Variants in AGBL4 observed in about 807,000 individuals in gnomAD.
The protein encoded by AGBL4 is AGBL carboxypeptidase 4, also known as cytosolic carboxypeptidase 6.
A neutral mutation model predicts 66.4 loss-of-function variants in AGBL4; 58 were observed. That is an observed-to-expected ratio of 0.87 (90% CI 0.71 to 1.09). AGBL4 has a LOEUF of 1.09. Ranked by LOEUF, AGBL4 falls within the 50% of genes least tolerant of loss-of-function variation. The probability of loss-of-function intolerance (pLI) is 0.00; values close to 1 mark genes in which losing one functional copy is unlikely to be tolerated. For synonymous variants in AGBL4, 234 were observed against 222.9 expected (o/e 1.05, Z -0.44); for missense variants, 579 against 631.0 (o/e 0.92, Z 0.88).
intron 1 of AGBL4, among the ~76,000 whole-genome samples, chr1:50,008,946 A>G (rs1231754127): frequency 1.3e-5 from 2 of 152,194 alleles, no homozygotes; most frequent in African/African-American, 2.4e-5. Flanking sequence ...CCAAGATTGA[A>G]CCATAAAAAA....
intron 1 of AGBL4, among the ~76,000 whole-genome samples, chr1:50,005,971 TA>T (rs943380159): frequency 1.3e-5 from 2 of 151,616 alleles, no homozygotes; most frequent in African/African-American, 4.8e-5. Flanking sequence ...GGAGACAAAA[TA>T]AAAAAGAATT....
intron 3 of AGBL4, among the ~76,000 whole-genome samples, chr1:49,398,333 T>TTCTCTCTC (rs36025670): frequency 4.0e-4 from 57 of 143,708 alleles, no homozygotes; most frequent in African/African-American, 1.4e-3. Flanking sequence ...CTCTCTCTCT[T>TTCTCTCTC]TCTCTCTCTC....
At chr1:48,803,021 A>G (rs1032209074) in intron 6 of AGBL4, among the ~76,000 whole-genome samples, 1 of 152,202 alleles carries the variant, frequency 6.6e-6, no homozygotes, top group Non-Finnish European at 1.5e-5. Flanking sequence ...TAGGTCCTTG[A>G]GTATCTGAGA....
At chr1:49,905,910 AC>A (rs1471595020) in intron 1 of AGBL4, among the ~76,000 whole-genome samples, 1 of 152,082 alleles carries the variant, frequency 6.6e-6, no homozygotes, top group East Asian at 1.9e-4. Context: ...TTTAATACAG[AC>A]TTACAGCTGT....
intron 5 of AGBL4, among the ~76,000 whole-genome samples, chr1:48,963,753 G>A (rs7527167): frequency 0.15 from 22,314 of 152,048 alleles, 3,025 homozygotes; most frequent in African/African-American, 0.35. Flanking sequence ...TAACTATTGA[G>A]GCTTGAGCAA....
chr1:49,067,465 C>T (rs1026366896), intron 4 of AGBL4, among the ~76,000 whole-genome samples: 6 of 152,184 alleles, frequency 3.9e-5, no homozygotes, highest in African/African-American at 7.2e-5. Flanking sequence ...CACTGGCATT[C>T]TTTCTGTTCT....
intron 3 of AGBL4, among the ~76,000 whole-genome samples, chr1:49,567,858 A>T (rs1361879634): frequency 6.6e-6 from 1 of 152,254 alleles, no homozygotes; most frequent in African/African-American, 2.4e-5. Context: ...AGAATTAAGG[A>T]CAAAAACTAC....
Position 49,113,271 on chromosome 1 carries a change from G to C in AGBL4, c.378-67471C>G, listed in dbSNP as rs187385400. 6.6e-3 allele frequency among the ~76,000 whole-genome samples: 1,000 copies of C among 151,246 alleles called. 12 individuals carry two copies. The highest frequency in any genetic ancestry group is 7.2e-3 in the Non-Finnish European group (487 of 67,870). On this transcript the variant is annotated intron_variant, in intron 4 of 13. Transcript: ENST00000371839. ...GGCCTTAAATTTTTTTTGACAAGGA[G>C]TTTTGCTCTGTCACCCAGGCTGGAG...
At chr1:48,785,705 GAC>G (rs1645392548) in intron 6 of AGBL4, among the ~76,000 whole-genome samples, 1 of 152,168 alleles carries the variant, frequency 6.6e-6, no homozygotes, top group Non-Finnish European at 1.5e-5. Flanking sequence ...GAACCTCATT[GAC>G]ACAGTCTCTG....
chr1:49,776,639 A>C (rs1307530742), intron 2 of AGBL4, among the ~76,000 whole-genome samples: 1 of 151,998 alleles, frequency 6.6e-6, no homozygotes, highest in Non-Finnish European at 1.5e-5. Context: ...CACATAACTA[A>C]CTACCACTTT....
intron 4 of AGBL4, among the ~76,000 whole-genome samples, chr1:49,103,341 G>T (rs943837699): frequency 6.6e-6 from 1 of 152,200 alleles, no homozygotes; most frequent in East Asian, 1.9e-4. Context: ...GAGGGTCAAA[G>T]GTTAGACTGA....
chr1:49,896,485 T>G (rs1649216653), intron 1 of AGBL4, among the ~76,000 whole-genome samples: 1 of 151,882 alleles, frequency 6.6e-6, no homozygotes, highest in South Asian at 2.1e-4. Context: ...ACCAAATATT[T>G]AAAGCACTAA....
intron 1 of AGBL4, among the ~76,000 whole-genome samples, chr1:49,864,108 CA>C (rs1250910764): frequency 3.9e-5 from 6 of 151,980 alleles, no homozygotes; most frequent in African/African-American, 1.5e-4. Context: ...CTGTCATTTC[CA>C]AAAACATAGA....
At chr1:48,692,788 T>G (rs75781378) in intron 6 of AGBL4, among the ~76,000 whole-genome samples, 4,816 of 152,218 alleles carry the variant, frequency 0.032, 256 homozygotes, top group African/African-American at 0.11. Flanking sequence ...TCTCCCTCCA[T>G]CCTCTCACTC....
chr1:49,108,483 G>A (rs1386445793), intron 4 of AGBL4, among the ~76,000 whole-genome samples: 2 of 152,100 alleles, frequency 1.3e-5, no homozygotes, highest in Admixed American at 1.3e-4. Context: ...CTTTTCTGGT[G>A]ATTGCAAACC....
intron 9 of AGBL4, among the ~76,000 whole-genome samples, chr1:48,593,252 AGATCTG>A: frequency 6.6e-6 from 1 of 152,318 alleles, no homozygotes; most frequent in East Asian, 1.9e-4. Flanking sequence ...CACACCATTC[AGATCTG>A]CTGTTCTCTG....
At chr1:49,427,149 C>A (rs1454011122) in intron 3 of AGBL4, among the ~76,000 whole-genome samples, 2 of 151,966 alleles carry the variant, frequency 1.3e-5, no homozygotes, top group Non-Finnish European at 2.9e-5. Context: ...ATTGATTGAG[C>A]ACCAATAGTA....
chr1:49,332,719 T>C (rs1457999562), intron 3 of AGBL4, among the ~76,000 whole-genome samples: 1 of 152,210 alleles, frequency 6.6e-6, no homozygotes, highest in Non-Finnish European at 1.5e-5. Context: ...ATTATACTGA[T>C]GTTACAATGC....
chr1:48,682,285 G>A (rs1196070306), intron 6 of AGBL4, among the ~76,000 whole-genome samples: 1 of 152,236 alleles, frequency 6.6e-6, no homozygotes, highest in Non-Finnish European at 1.5e-5. Flanking sequence ...GAGGGCCAGG[G>A]ACTTAGGCTT....
Sources: allele counts gnomAD v4.1 joint callset (sites outside exome capture counted in the v4.1 genomes callset), GRCh38; gene constraint gnomAD v4.1.1; transcripts MANE v1.5; gene names NCBI Gene and HGNC (gene_info 2026-07-23, HGNC 2026-07-21).